The following HUNK variants were observed in gnomAD, a reference collection of about 807,000 sequenced individuals.
HUNK encodes the protein hormonally up-regulated neu tumor-associated kinase.
A neutral mutation model predicts 61.0 loss-of-function variants in HUNK; 21 were observed. The observed-to-expected ratio is 0.34, with a 90% CI of 0.24 to 0.50. HUNK has a LOEUF of 0.50. HUNK is among the 20% of genes least tolerant of loss of function. HUNK has a pLI of 0.98. For synonymous variants in HUNK, 371 were observed against 386.1 expected, an observed-to-expected ratio of 0.96 and a Z score of 0.46; for missense variants, 772 against 945.7, an observed-to-expected ratio of 0.82 and a Z score of 2.41.
At chr21:31,905,986 A>AT (rs71320209) in intron 1 of HUNK, among the ~76,000 whole-genome samples, 48,429 of 149,032 alleles carry the variant, frequency 0.32, 8,364 homozygotes, top group East Asian at 0.53. Flanking sequence ...TGTTATTTTA[A>AT]TTTTTTTTTT....
chr21:31,921,154 CAAAAAAAAAAAAAA>C (rs751938845), intron 1 of HUNK, among the ~76,000 whole-genome samples: 1 of 39,374 alleles, frequency 2.5e-5, no homozygotes, highest in Non-Finnish European at 5.1e-5. Context: ...GATTCCATCT[CAAAAAAAAAAAAAA>C]AAAAAAAAAA....
chr21:31,979,363 TGCCTCG>T (rs1365661770), intron 7 of HUNK, among the ~76,000 whole-genome samples: 1 of 151,554 alleles, frequency 6.6e-6, no homozygotes, highest in Non-Finnish European at 1.5e-5. Context: ...GTGATCTGCC[TGCCTCG>T]GCCTCCCAAA....
intron 7 of HUNK, among the ~76,000 whole-genome samples, chr21:31,978,140 T>C (rs1199081722): frequency 6.6e-6 from 1 of 152,210 alleles, no homozygotes; most frequent in Non-Finnish European, 1.5e-5. Flanking sequence ...CTCTGGAAAC[T>C]CAGCTGGTGT....
At position 32,003,956 on chromosome 21, in the gene HUNK, T is replaced by C. The variant is rs1055772742; in HGVS notation, c.*4772T>C. On this transcript the variant is annotated 3_prime_UTR_variant, in exon 11 of 11. Transcript: ENST00000270112. ...CAATTTTGGAAGGATAGAATAGCTT[T>C]ATGTGGAGCAAACTTGAGGATCAAT... 6.6e-6 allele frequency: 1 copy of C among 152,162 alleles called. No homozygotes were observed. The highest frequency in any genetic ancestry group is 2.4e-5 in the African/African-American group (1 of 41,430). The allele number at this position is 152,162 out of a possible 1,614,324, so 9.4% of individuals were successfully genotyped here. A position where few individuals can be genotyped will look rare whatever the true frequency, so the allele number is the denominator to read the frequency against.
rs543604186 is a variant in HUNK at position 31,987,495 on chromosome 21, C to T, written c.1258-2634C>T. 4.6e-5 allele frequency among the ~76,000 whole-genome samples: 7 copies of T among 152,332 alleles called. No individual in the cohort carries two copies. In the East Asian group the frequency reaches 5.8e-4, roughly 13 times the overall value. On this transcript the variant is annotated intron_variant, in intron 8 of 10. Coordinates refer to ENST00000270112, the MANE Select transcript of HUNK (RefSeq NM_014586.2). Reference sequence around the variant, plus strand: ...CACCTGCCCCACTGCGAGTGTGTGTCGGAAGGGGCCAGAACTATAGTGGGA... The same window carrying T: ...CACCTGCCCCACTGCGAGTGTGTGTTGGAAGGGGCCAGAACTATAGTGGGA...
chr21:31,916,528 C>T (rs2052584117), intron 1 of HUNK, among the ~76,000 whole-genome samples: 2 of 152,088 alleles, frequency 1.3e-5, no homozygotes, highest in South Asian at 4.1e-4. Flanking sequence ...GATTCCTCGG[C>T]AGTCAGCAAG....
intron 3 of HUNK, among the ~76,000 whole-genome samples, 175 bp from the exon 4 acceptor site, chr21:31,945,861 G>T (rs1035642679): frequency 6.6e-6 from 1 of 152,124 alleles, no homozygotes; most frequent in Admixed American, 6.5e-5. Context: ...CTTGAGTCTC[G>T]TATCCAGACG....
At chr21:31,885,181 G>A (rs982840177) in intron 1 of HUNK, among the ~76,000 whole-genome samples, 1 of 152,200 alleles carries the variant, frequency 6.6e-6, no homozygotes, top group Non-Finnish European at 1.5e-5. Flanking sequence ...GAGAAAGGGG[G>A]AATATCGAGG....
chr21:31,890,971 TA>T (rs370444866), intron 1 of HUNK, among the ~76,000 whole-genome samples: 8,076 of 144,752 alleles, frequency 0.056, 653 homozygotes, highest in African/African-American at 0.18. Flanking sequence ...ATCTTTTGTT[TA>T]AAAAAAAAAA....
intron 1 of HUNK, among the ~76,000 whole-genome samples, chr21:31,879,489 T>A (rs922352511): frequency 5.3e-5 from 8 of 152,220 alleles, no homozygotes; most frequent in African/African-American, 1.9e-4. Context: ...TAGTGTTCAT[T>A]GATACAGGTC....
At position 31,974,735 on chromosome 21, in the gene HUNK, G is replaced by A; in HGVS notation, c.1173+18G>A. ...TGTCAGGGGTAAGTGCGACCCTAGA[G>A]GCGATCGTCTCTGCTGTCTGTGGAA... is the stretch of plus-strand genomic sequence containing the variant. On this transcript the variant is annotated intron_variant, in intron 7 of 10. Transcript: ENST00000270112. The A allele has an allele frequency of 6.2e-7, 1 of 1,601,392 alleles. No homozygotes were observed.
At position 31,998,509 on chromosome 21, in the gene HUNK, G is replaced by A. The variant is rs755497112; in HGVS notation, c.1487-17G>A. 6.4e-7 allele frequency: 1 copy of A among 1,559,466 alleles called. No homozygotes were observed. Among genetic ancestry groups the A allele is most frequent in the Non-Finnish European group, 8.7e-7 (1 of 1,154,848 alleles). Reference sequence around the variant, plus strand: ...TCCGGACGTCCTCATGATTGTTTATGCTTTCTTGGTGTGCAGATTCCTTTG... The same window carrying A: ...TCCGGACGTCCTCATGATTGTTTATACTTTCTTGGTGTGCAGATTCCTTTG... On this transcript the variant is annotated splice_polypyrimidine_tract_variant and intron_variant, in intron 10 of 10. Coordinates refer to ENST00000270112, the MANE Select transcript of HUNK (RefSeq NM_014586.2).
Position 32,001,084 on chromosome 21 carries a change from C to A in HUNK, c.*1900C>A. On this transcript the variant is annotated 3_prime_UTR_variant, in exon 11 of 11. Transcript: ENST00000270112. ...CTCAGGAGTTCGAGAGCAGCCTGGG[C>A]AACATGGTGAAAGCCCGTCTCTACC... is the stretch of plus-strand genomic sequence containing the variant. 1 of 183,608 alleles carries A rather than the reference C, an allele frequency of 5.4e-6. No individual in the cohort carries two copies. The highest frequency in any genetic ancestry group is 1.1e-5 in the Non-Finnish European group (1 of 90,164). The allele number at this position is 183,608 out of a possible 1,614,324, so 11.4% of individuals were successfully genotyped here.
At chr21:31,919,657 CT>C (rs1423074623) in intron 1 of HUNK, among the ~76,000 whole-genome samples, 8 of 152,178 alleles carry the variant, frequency 5.3e-5, no homozygotes, top group Non-Finnish European at 8.8e-5. Context: ...CTGATATGGG[CT>C]GGTTCAGCCC....
intron 1 of HUNK, among the ~76,000 whole-genome samples, chr21:31,900,561 G>GC (rs2052459069): frequency 6.6e-6 from 1 of 152,028 alleles, no homozygotes; most frequent in East Asian, 1.9e-4. Context: ...CCATGTGGAA[G>GC]CTCTGGCTAC....
chr21:31,992,688 TC>T (rs1301091030), intron 9 of HUNK, among the ~76,000 whole-genome samples: 3 of 152,202 alleles, frequency 2.0e-5, no homozygotes, highest in Non-Finnish European at 2.9e-5. Flanking sequence ...GAGGTGATAG[TC>T]CCTCTGAAGA....
intron 5 of HUNK, among the ~76,000 whole-genome samples, chr21:31,966,861 C>G (rs116210436): frequency 6.6e-6 from 1 of 152,076 alleles, no homozygotes; most frequent in African/African-American, 2.4e-5. Flanking sequence ...TACAAAGCTA[C>G]GTAAAAGAAT....
intron 1 of HUNK, among the ~76,000 whole-genome samples, chr21:31,897,367 G>A (rs1409772195): frequency 6.6e-6 from 1 of 152,172 alleles, no homozygotes; most frequent in Non-Finnish European, 1.5e-5. Context: ...GGTTCCCTCC[G>A]AGGGCTGCAA....
At chr21:31,960,775 C>T (rs1394966118) in intron 5 of HUNK, among the ~76,000 whole-genome samples, 4 of 152,144 alleles carry the variant, frequency 2.6e-5, no homozygotes, top group Non-Finnish European at 5.9e-5. Flanking sequence ...CTCCACCTGG[C>T]CCCGCCCTTG....
Sources: gnomAD v4.1 joint callset for allele counts (sites outside exome capture counted in the v4.1 genomes callset) on GRCh38, gnomAD v4.1.1 for gene constraint, MANE v1.5 for transcripts, NCBI Gene and HGNC (gene_info 2026-07-23, HGNC 2026-07-21) for gene names.